STPG2: variants seen among roughly 807,000 people sequenced by gnomAD.
The protein encoded by STPG2 is sperm-tail PG-rich repeat-containing protein 2.
STPG2 carries 56 observed loss-of-function variants against 54.2 expected under a neutral mutation model. The ratio of observed to expected loss-of-function variants is 1.03; its 90% CI spans 0.83 to 1.29. The LOEUF (loss-of-function observed/expected upper bound fraction) is 1.29. Ranked by LOEUF, STPG2 falls within the 50% of genes most tolerant of loss-of-function variation. The pLI is 0.00. For missense variants in STPG2, 596 were observed against 544.9 expected (o/e 1.09, Z -0.93); for synonymous variants, 200 against 181.8 (o/e 1.10, Z -0.81).
At position 98,134,291 on chromosome 4, in the gene STPG2, T is replaced by C. The variant is rs1301504147; in HGVS notation, c.222+56A>G. On this transcript the variant is annotated intron_variant, in intron 2 of 10. Coordinates refer to ENST00000295268, the MANE Select transcript of STPG2 (RefSeq NM_174952.3). ...AAAATACAACAAATGACATTTGGTCTATTCAGGGAAGAAAACATGGTTTTA... is the reference window on the plus strand; with the variant it reads ...AAAATACAACAAATGACATTTGGTCCATTCAGGGAAGAAAACATGGTTTTA... 4.4e-6 allele frequency: 4 copies of C among 914,108 alleles called. No individual in the cohort carries two copies. The African/African-American group carries it at 6.9e-5, about 16-fold the overall frequency. The allele number at this position is 914,108 out of a possible 1,614,324, so 56.6% of individuals were successfully genotyped here. A position where few individuals can be genotyped will look rare whatever the true frequency, so the allele number is the denominator to read the frequency against.
chr4:98,093,707 G>C (rs1738758377), intron 5 of STPG2, among the ~76,000 whole-genome samples: 1 of 152,190 alleles, frequency 6.6e-6, no homozygotes, highest in Non-Finnish European at 1.5e-5. Context: ...CCCAACTGTA[G>C]CCATGCAGCA....
intron 7 of STPG2, among the ~76,000 whole-genome samples, chr4:97,970,257 C>T (rs1279850397): frequency 7.9e-5 from 12 of 152,118 alleles, no homozygotes; most frequent in Middle Eastern, 3.2e-3. Context: ...AGATTCAATG[C>T]CATCCCCATC....
chr4:97,712,823 C>A lies in STPG2; in HGVS notation c.1205-9G>T, dbSNP rs1020993873. 4.6e-6 allele frequency: 7 copies of A among 1,532,624 alleles called. No homozygotes were observed. The highest frequency in any genetic ancestry group is 2.3e-5 in the East Asian group (1 of 43,662). The allele number at this position is 1,532,624 out of a possible 1,614,324, so 94.9% of individuals were successfully genotyped here. On this transcript the variant is annotated splice_polypyrimidine_tract_variant and intron_variant, in intron 9 of 10. Transcript: ENST00000295268. Reference sequence around the variant, plus strand: ...ATTGTATGCTGCAGGACCTGAGAGACAACAAATGTAAAAATTATGATAAAG... The same window carrying A: ...ATTGTATGCTGCAGGACCTGAGAGAAAACAAATGTAAAAATTATGATAAAG...
At chr4:97,916,243 G>C (rs1288570213) in intron 8 of STPG2, 1 of 152,638 alleles carries the variant, frequency 6.6e-6, no homozygotes, top group Non-Finnish European at 1.5e-5. Flanking sequence ...ACCTGGATTA[G>C]TAAGGAAAGT....
intron 9 of STPG2, among the ~76,000 whole-genome samples, chr4:97,757,456 A>G (rs1725765668): frequency 6.6e-6 from 1 of 152,216 alleles, no homozygotes; most frequent in Admixed American, 6.5e-5. Context: ...TATGGTCTTA[A>G]CTCAGGTTTC....
At chr4:97,468,441 G>T (rs1272623290) in intron 4 of STPG2, among the ~76,000 whole-genome samples, 1 of 151,930 alleles carries the variant, frequency 6.6e-6, no homozygotes, top group Non-Finnish European at 1.5e-5. Context: ...TAATTGCACA[G>T]GTTGCTATAA....
chr4:98,022,651 A>T (rs1236685768), intron 5 of STPG2, among the ~76,000 whole-genome samples: 2 of 152,118 alleles, frequency 1.3e-5, no homozygotes, highest in Admixed American at 6.5e-5. Flanking sequence ...ACTTTCAGGT[A>T]CATCAATCAG....
chr4:97,583,937 C>T (rs902572670), intron 10 of STPG2, among the ~76,000 whole-genome samples: 2 of 151,888 alleles, frequency 1.3e-5, no homozygotes, highest in African/African-American at 4.8e-5. Context: ...TGGGGGGCTT[C>T]AGCACTCCAC....
chr4:98,098,701 A>G (rs1388108475), intron 5 of STPG2, among the ~76,000 whole-genome samples: 2 of 152,196 alleles, frequency 1.3e-5, no homozygotes, highest in Non-Finnish European at 2.9e-5. Flanking sequence ...ACAGAATGAG[A>G]GAAAATATTT....
At chr4:97,799,591 C>A (rs539592383) in intron 9 of STPG2, among the ~76,000 whole-genome samples, 150 of 152,282 alleles carry the variant, frequency 9.9e-4, no homozygotes, top group Middle Eastern at 3.4e-3. Flanking sequence ...GGTAACCCGA[C>A]CTTTCTCTCT....
chr4:97,892,601 T>G (rs2149176463), intron 8 of STPG2, among the ~76,000 whole-genome samples: 2 of 152,256 alleles, frequency 1.3e-5, no homozygotes, highest in East Asian at 1.9e-4. Context: ...AGCTTAAGGT[T>G]TAGCTTATAG....
At chr4:98,034,420 T>C (rs187947241) in intron 5 of STPG2, among the ~76,000 whole-genome samples, 159 of 152,248 alleles carry the variant, frequency 1.0e-3, no homozygotes, top group African/African-American at 3.7e-3. Context: ...CAAGGAGAAC[T>C]ACAAACCATC....
intron 10 of STPG2, among the ~76,000 whole-genome samples, chr4:97,686,878 A>G (rs1396851617): frequency 2.0e-5 from 3 of 151,258 alleles, no homozygotes; most frequent in African/African-American, 7.3e-5. Flanking sequence ...GTAAATTTTC[A>G]TTTTCTCTCA....
At chr4:97,924,069 T>C (rs181440494) in intron 8 of STPG2, among the ~76,000 whole-genome samples, 1 of 152,306 alleles carries the variant, frequency 6.6e-6, no homozygotes, top group African/African-American at 2.4e-5. Flanking sequence ...GCTCACTCTT[T>C]GGGTCCACAC....
At chr4:97,566,086 C>T (rs1030706543) in intron 10 of STPG2, among the ~76,000 whole-genome samples, 7 of 152,184 alleles carry the variant, frequency 4.6e-5, no homozygotes, top group African/African-American at 1.7e-4. Flanking sequence ...TGGTGGGCTC[C>T]ACCCAGTTCG....
chr4:97,679,477 GT>G (rs1267830546), intron 10 of STPG2, among the ~76,000 whole-genome samples: 2 of 151,710 alleles, frequency 1.3e-5, no homozygotes, highest in Non-Finnish European at 2.9e-5. Context: ...GGGGTTGTTT[GT>G]TTTTTTCTTG....
chr4:97,984,063 C>T (rs907090691), intron 5 of STPG2, among the ~76,000 whole-genome samples: 3 of 44,214 alleles, frequency 6.8e-5, no homozygotes, highest in African/African-American at 2.2e-4. Context: ...TTTGCTCAAA[C>T]TTGTGATATT....
intron 9 of STPG2, among the ~76,000 whole-genome samples, chr4:97,832,579 T>C (rs1728502532): frequency 6.6e-6 from 1 of 152,150 alleles, no homozygotes. Flanking sequence ...TCAAATTGTC[T>C]CTGTTTGCAG....
chr4:97,539,910 A>C (rs1348253416), intron 4 of STPG2, among the ~76,000 whole-genome samples: 1 of 152,226 alleles, frequency 6.6e-6, no homozygotes, highest in Non-Finnish European at 1.5e-5. Context: ...GCAGAAATAA[A>C]GATTTCTTTG....
Sources: gnomAD v4.1 joint callset for allele counts (sites outside exome capture counted in the v4.1 genomes callset) on GRCh38, gnomAD v4.1.1 for gene constraint, MANE v1.5 for transcripts, NCBI Gene and HGNC (gene_info 2026-07-23, HGNC 2026-07-21) for gene names.